NRDC: variants seen among roughly 807,000 people sequenced by gnomAD.
NRDC encodes nardilysin convertase.
In NRDC, 54 loss-of-function variants were observed where a neutral mutation model predicts 147.1. The ratio of observed to expected loss-of-function variants is 0.37; its 90% CI spans 0.29 to 0.46. NRDC has a LOEUF of 0.46. Ranked by LOEUF, NRDC falls within the 20% of genes least tolerant of loss-of-function variation. NRDC has a pLI of 1.00. For synonymous variants in NRDC, 440 were observed against 482.1 expected, an observed-to-expected ratio of 0.91 and a Z score of 1.14; for missense variants, 1,082 against 1,370.6, an observed-to-expected ratio of 0.79 and a Z score of 3.33.
chr1:51,853,565 G>GCAT (rs1280919039), intron 1 of NRDC, among the ~76,000 whole-genome samples: 1 of 152,182 alleles, frequency 6.6e-6, no homozygotes, highest in Non-Finnish European at 1.5e-5. Flanking sequence ...GTGGGGAGTG[G>GCAT]CATCCTATGA....
chr1:51,846,748 C>G (rs980827731), intron 1 of NRDC, among the ~76,000 whole-genome samples: 2 of 152,224 alleles, frequency 1.3e-5, no homozygotes, highest in African/African-American at 2.4e-5. Flanking sequence ...GGTTATCACC[C>G]CAGGAGCCTG....
chr1:51,831,964 T>C (rs1228377466), intron 4 of NRDC, among the ~76,000 whole-genome samples: 1 of 152,168 alleles, frequency 6.6e-6, no homozygotes, highest in East Asian at 1.9e-4. Context: ...ATGCTTCCAA[T>C]TTATAGGAAT....
At chr1:51,802,798 A>AG (rs1214552172) in intron 20 of NRDC, among the ~76,000 whole-genome samples, 3 of 152,162 alleles carry the variant, frequency 2.0e-5, no homozygotes, top group African/African-American at 7.2e-5. Context: ...TCTTTCTGGC[A>AG]GGTCCTTTCC....
At chr1:51,800,503 G>A (rs1679143481) in intron 21 of NRDC, 53 bp downstream of exon 21, 3 of 1,598,434 alleles carry the variant, frequency 1.9e-6, no homozygotes, top group Non-Finnish European at 2.6e-6. Flanking sequence ...ACCCACTAGG[G>A]AGAGTAATAC....
intron 1 of NRDC, among the ~76,000 whole-genome samples, chr1:51,867,430 T>C (rs948280055): frequency 5.9e-5 from 9 of 151,474 alleles, no homozygotes; most frequent in South Asian, 2.1e-4. Flanking sequence ...AGAAAAAACA[T>C]GGAGGTAGGA....
intron 3 of NRDC, 146 bp from the exon 4 acceptor site, chr1:51,834,316 T>G: frequency 1.1e-6 from 1 of 871,740 alleles, no homozygotes; most frequent in Non-Finnish European, 1.8e-6. Context: ...TTTTTTTCTT[T>G]GAGACAGAGT....
At chr1:51,812,297 T>C (rs914146956) in intron 14 of NRDC, among the ~76,000 whole-genome samples, 199 bp from the exon 15 acceptor site, 2 of 152,144 alleles carry the variant, frequency 1.3e-5, no homozygotes, top group African/African-American at 4.8e-5. Context: ...AATCCCAGCA[T>C]TTGGGAGACA....
intron 3 of NRDC, among the ~76,000 whole-genome samples, chr1:51,835,498 G>A (rs1162033717): frequency 6.3e-5 from 6 of 95,982 alleles, no homozygotes; most frequent in Non-Finnish European, 1.1e-4. Flanking sequence ...AGACAGTCTT[G>A]CTCTATCACC....
intron 8 of NRDC, 130 bp from the exon 9 acceptor site, chr1:51,820,003 T>A: frequency 4.4e-6 from 3 of 677,998 alleles, no homozygotes; most frequent in East Asian, 2.8e-5. Flanking sequence ...ATTCCAGGCA[T>A]GAACAAATAG....
intron 1 of NRDC, among the ~76,000 whole-genome samples, chr1:51,849,109 G>A (rs761564125): frequency 6.6e-6 from 1 of 152,142 alleles, no homozygotes; most frequent in South Asian, 2.1e-4. Context: ...AACAAGGGCC[G>A]GATGCGGTGG....
chr1:51,802,363 A>T (rs1371786487), intron 20 of NRDC, among the ~76,000 whole-genome samples: 1 of 152,202 alleles, frequency 6.6e-6, no homozygotes, highest in Non-Finnish European at 1.5e-5. Context: ...CTATACATAC[A>T]TACATACATA....
chr1:51,861,307 C>G (rs960023506), intron 1 of NRDC, among the ~76,000 whole-genome samples: 7 of 143,658 alleles, frequency 4.9e-5, no homozygotes, highest in African/African-American at 1.6e-4. Context: ...CACTCTGCCA[C>G]AGAGATAATC....
chr1:51,850,109 G>A (rs1170916033), intron 1 of NRDC, among the ~76,000 whole-genome samples: 1 of 151,646 alleles, frequency 6.6e-6, no homozygotes, highest in South Asian at 2.1e-4. Context: ...CCCAGGAGGC[G>A]GAGGTTGCAG....
intron 4 of NRDC, among the ~76,000 whole-genome samples, chr1:51,832,035 AT>A (rs760955919): frequency 1.3e-5 from 2 of 151,830 alleles, no homozygotes; most frequent in Non-Finnish European, 2.9e-5. Context: ...ATTTCTTTTT[AT>A]TTTATCTTTT....
At position 51,791,005 on chromosome 1, in the gene NRDC, C is replaced by G. The variant is rs1046531707; in HGVS notation, c.2961-15G>C. ...CAACTTCAGAACTGAAACAAAACAT[C>G]TTCAATCAGAACTAAAACAAAACAT... is the stretch of plus-strand genomic sequence containing the variant. On this transcript the variant is annotated splice_polypyrimidine_tract_variant and intron_variant, in intron 27 of 30. Coordinates refer to ENST00000352171, the MANE Select transcript of NRDC (RefSeq NM_001101662.2). 6.4e-7 allele frequency: 1 copy of G among 1,571,838 alleles called. No individual in the cohort carries two copies. The highest frequency in any genetic ancestry group is 8.7e-7 in the Non-Finnish European group (1 of 1,143,324).
At chr1:51,868,162 C>G (rs184286833) in intron 1 of NRDC, among the ~76,000 whole-genome samples, 82 of 152,190 alleles carry the variant, frequency 5.4e-4, no homozygotes, top group African/African-American at 1.6e-3. Context: ...CAAATTCTCT[C>G]CCTTCAAAAA....
Position 51,878,651 on chromosome 1 carries a change from C to G in NRDC, c.-36G>C, listed in dbSNP as rs1356685999. ...GCTGGAGCGATGGACATCCCGCTTCCCAGGACCCACCTCCTCCGCGTTCTA... is the reference window on the plus strand; with the variant it reads ...GCTGGAGCGATGGACATCCCGCTTCGCAGGACCCACCTCCTCCGCGTTCTA... On this transcript the variant is annotated 5_prime_UTR_variant, in exon 1 of 31. Transcript: ENST00000352171. The G allele has an allele frequency of 6.5e-7, 1 of 1,549,992 alleles. No individual in the cohort carries two copies. Among genetic ancestry groups the G allele is most frequent in the South Asian group, 1.2e-5 (1 of 86,038 alleles).
chr1:51,828,718 C>CTT (rs34609463), intron 4 of NRDC, among the ~76,000 whole-genome samples: 3,956 of 136,368 alleles, frequency 0.029, 126 homozygotes, highest in Admixed American at 0.082. Flanking sequence ...GTTTAGTAAA[C>CTT]TTTTTTTTTT....
chr1:51,829,957 T>C (rs1199082601), intron 4 of NRDC, among the ~76,000 whole-genome samples: 3 of 149,788 alleles, frequency 2.0e-5, no homozygotes, highest in Admixed American at 2.0e-4. Flanking sequence ...CAAATTTGTC[T>C]TTTATTTCTT....
Sources: allele counts gnomAD v4.1 joint callset (sites outside exome capture counted in the v4.1 genomes callset), GRCh38; gene constraint gnomAD v4.1.1; transcripts MANE v1.5; gene names NCBI Gene and HGNC (gene_info 2026-07-23, HGNC 2026-07-21).